Variants in CCDC57 observed in about 807,000 individuals in gnomAD.
CCDC57 encodes coiled-coil domain-containing protein 57.
In CCDC57, 118 loss-of-function variants were observed where a neutral mutation model predicts 118.9. That is an observed-to-expected ratio of 0.99 (90% CI 0.86 to 1.16). The LOEUF (loss-of-function observed/expected upper bound fraction) is 1.16, where lower values mean the gene tolerates loss of function less well. Among genes scored for constraint, CCDC57 ranks in the 50% most tolerant of loss-of-function variants. The pLI is 0.00. For missense variants in CCDC57, 1,300 were observed against 1,320.7 expected, an observed-to-expected ratio of 0.98 and a Z score of 0.24; for synonymous variants, 527 against 532.9, an observed-to-expected ratio of 0.99 and a Z score of 0.15.
chr17:82,210,815 G>A (rs1186796045), intron 1 of CCDC57, among the ~76,000 whole-genome samples: 1 of 151,130 alleles, frequency 6.6e-6, no homozygotes, highest in Admixed American at 6.6e-5. Flanking sequence ...CCAACATGAC[G>A]AAACCTCGTC....
chr17:82,193,949 G>C, intron 6 of CCDC57, 33 bp downstream of exon 5: 2 of 1,594,890 alleles, frequency 1.3e-6, no homozygotes, highest in Non-Finnish European at 1.7e-6. Flanking sequence ...GGCTGCCACA[G>C]AGCACGCCTC....
chr17:82,199,015 A>C (rs199644518), intron 3 of CCDC57, among the ~76,000 whole-genome samples: 6 of 110,608 alleles, frequency 5.4e-5, no homozygotes, highest in African/African-American at 1.9e-4. Context: ...AAAAAGAAAA[A>C]GGAAAAAAAA....
intron 16 of CCDC57, among the ~76,000 whole-genome samples, chr17:82,150,779 C>T: frequency 9.2e-6 from 1 of 108,264 alleles, no homozygotes; most frequent in Admixed American, 1.0e-4. Flanking sequence ...ACACTCAGAA[C>T]CTGGTGCACA....
rs1215832145 is a variant in CCDC57 at position 82,184,024 on chromosome 17, C to CGT, written c.1053-93_1053-92insAC. The stretch of plus-strand genomic sequence containing the variant: ...CCCCCAGCAAATACACATGCGCGCG[C>CGT]GCGCGCGCACACACACACACACACA... On this transcript the variant is annotated intron_variant, in intron 8 of 19. Transcript: ENST00000665763. 6.4e-4 allele frequency: 290 copies of CGT among 453,826 alleles called. 4 individuals carry two copies. Among genetic ancestry groups the CGT allele is most frequent in the Admixed American group, 1.2e-3 (27 of 22,062 alleles). 28.1% of individuals were successfully genotyped at this position (453,826 alleles called of 1,614,324 possible).
intron 19 of CCDC57, among the ~76,000 whole-genome samples, chr17:82,103,091 G>A (rs765878211): frequency 1.4e-4 from 22 of 152,168 alleles, no homozygotes; most frequent in Non-Finnish European, 2.6e-4. Context: ...TCTGCGTGCA[G>A]CCTGGGTGAC....
At chr17:82,116,404 C>T (rs8072702) in intron 19 of CCDC57, among the ~76,000 whole-genome samples, 78,708 of 151,718 alleles carry the variant, frequency 0.52, 21,178 homozygotes, top group Non-Finnish European at 0.57. Context: ...GGCCCAGGGG[C>T]GGCCCACTGA....
intron 8 of CCDC57, among the ~76,000 whole-genome samples, chr17:82,184,208 C>G (rs1026229528): frequency 6.6e-6 from 1 of 151,928 alleles, no homozygotes; most frequent in Non-Finnish European, 1.5e-5. Flanking sequence ...TCCAGCTAAG[C>G]TCCTGCAGCA....
At chr17:82,188,468 A>G (rs2047254396) in intron 7 of CCDC57, 49 bp from the exon 7 acceptor site, 1 of 1,559,942 alleles carries the variant, frequency 6.4e-7, no homozygotes, top group Non-Finnish European at 8.7e-7. Flanking sequence ...CCCAACACCC[A>G]GGCCCCAGAC....
exon 9 of CCDC57, chr17:82,183,903 G>C (rs2046515768): frequency 6.2e-7 from 1 of 1,613,634 alleles, no homozygotes; most frequent in Non-Finnish European, 8.5e-7. Flanking sequence ...ATCCCAGGCA[G>C]ATTTTACAGT....
chr17:82,195,475 G>GA, intron 4 of CCDC57, 111 bp from the exon 4 acceptor site: 1 of 801,292 alleles, frequency 1.2e-6, no homozygotes. Context: ...GTTTAACAGA[G>GA]AAGGACCACA....
rs1330973437 is a variant in CCDC57, at chr17:82,184,029, GCGCACA to G, written c.1053-103_1053-98del. On this transcript the variant is annotated intron_variant, in intron 8 of 19. Coordinates refer to ENST00000665763, the Ensembl canonical transcript of CCDC57. ...AGCAAATACACATGCGCGCGCGCGC[GCGCACA>G]CACACACACACACACACACACACAC... is the stretch of plus-strand genomic sequence containing the variant. The G allele has an allele frequency of 3.9e-3, 920 of 238,550 alleles. 2 individuals carry two copies. Among genetic ancestry groups the G allele is most frequent in the African/African-American group, 0.012 (282 of 24,022 alleles). The allele number at this position is 238,550 out of a possible 1,614,324, so 14.8% of individuals were successfully genotyped here.
At chr17:82,111,262 A>AAG (rs2144924504) in intron 19 of CCDC57, among the ~76,000 whole-genome samples, 1 of 148,708 alleles carries the variant, frequency 6.7e-6, no homozygotes, top group South Asian at 2.1e-4. Context: ...TGCCCAAGCT[A>AAG]ATTTTTTTTG....
At chr17:82,136,649 G>A (rs2039227521) in intron 16 of CCDC57, among the ~76,000 whole-genome samples, 1 of 151,072 alleles carries the variant, frequency 6.6e-6, no homozygotes, top group African/African-American at 2.4e-5. Context: ...CCAGGCTGGA[G>A]TGCAGTGGTG....
chr17:82,201,745 C>G, exon 3 of CCDC57: 1 of 1,613,978 alleles, frequency 6.2e-7, no homozygotes, highest in Non-Finnish European at 8.5e-7. Flanking sequence ...CTCGAGGTCC[C>G]GCTCCTCCAG....
rs1164232242 is a variant in CCDC57, at chr17:82,192,492, A to G, written c.851+1264T>C. On this transcript the variant is annotated intron_variant, in intron 7 of 19. Transcript: ENST00000665763. This position sits in a 1 kb window ranked among gnomAD's most constrained non-coding sequence, Gnocchi z 4.0. ...CTGTTTAAGCATCAACTGTATTTCA[A>G]TTTATGATTTTGAAAAATGCCAGGT... 6.6e-6 allele frequency among the ~76,000 whole-genome samples: 1 copy of G among 152,204 alleles called. No individual in the cohort carries two copies. Among genetic ancestry groups the G allele is most frequent in the East Asian group, 1.9e-4 (1 of 5,202 alleles).
intron 9 of CCDC57, among the ~76,000 whole-genome samples, chr17:82,180,613 C>T (rs866951245): frequency 5.9e-5 from 9 of 152,096 alleles, no homozygotes; most frequent in Non-Finnish European, 1.2e-4. Context: ...GTAGCTGGGA[C>T]TACAGGTGCA....
intron 11 of CCDC57, among the ~76,000 whole-genome samples, chr17:82,174,450 ACT>A (rs1191292602): frequency 6.6e-6 from 1 of 152,036 alleles, no homozygotes. Flanking sequence ...TGTAAATAAG[ACT>A]CTCTCTAGCT....
chr17:82,185,325 A>G (rs2046798274), intron 8 of CCDC57, among the ~76,000 whole-genome samples: 1 of 152,120 alleles, frequency 6.6e-6, no homozygotes, highest in Non-Finnish European at 1.5e-5. Context: ...GATGGTTAAA[A>G]TAAAAAAGAA....
intron 16 of CCDC57, among the ~76,000 whole-genome samples, chr17:82,145,265 G>T (rs2040565797): frequency 6.7e-6 from 1 of 148,830 alleles, no homozygotes; most frequent in South Asian, 2.2e-4. Flanking sequence ...TTGACCTCAG[G>T]TGATCAGGCG....
Sources: gnomAD v4.1 joint callset for allele counts (sites outside exome capture counted in the v4.1 genomes callset) on GRCh38, gnomAD v4.1.1 for gene constraint, Gnocchi (gnomAD v3.1) non-coding constraint, MANE v1.5 for transcripts, NCBI Gene and HGNC (gene_info 2026-07-23, HGNC 2026-07-21) for gene names.